Variants in RTCB observed in about 807,000 individuals in gnomAD.
RTCB encodes the protein RNA 2',3'-cyclic phosphate and 5'-OH ligase.
In RTCB, 32 loss-of-function variants were observed where a neutral mutation model predicts 58.2. The observed-to-expected ratio is 0.55, with a 90% CI of 0.41 to 0.74. The LOEUF (loss-of-function observed/expected upper bound fraction) is 0.74. Ranked by LOEUF, RTCB falls within the 30% of genes least tolerant of loss-of-function variation. The pLI is 0.00. For missense variants in RTCB, 523 were observed against 639.0 expected (o/e 0.82, Z 1.96); for synonymous variants, 247 against 218.6 (o/e 1.13, Z -1.15).
At chr22:32,389,310 G>GA (rs924503967) in intron 11 of RTCB, among the ~76,000 whole-genome samples, 1 of 151,906 alleles carries the variant, frequency 6.6e-6, no homozygotes, top group African/African-American at 2.4e-5. Context: ...GTAATACACT[G>GA]AAAAAAATAG....
At chr22:32,407,396 C>T (rs1191053273) in intron 3 of RTCB, 2 of 152,936 alleles carry the variant, frequency 1.3e-5, no homozygotes, top group African/African-American at 4.8e-5. Context: ...GATCCATTTT[C>T]AACATCTACC....
At position 32,401,228 on chromosome 22, in the gene RTCB, T is replaced by A. The variant is rs1601428478; in HGVS notation, c.497+519A>T. On this transcript the variant is annotated intron_variant, in intron 5 of 11. Transcript: ENST00000216038. ...CTTCTGCTTCAGCCTCCTGAGTAGG[T>A]GGGACTACAGTCACAAGCCATCATG... 2.0e-5 allele frequency among the ~76,000 whole-genome samples: 3 copies of A among 151,794 alleles called. No homozygotes were observed. The South Asian group carries it at 6.3e-4, about 32-fold the overall frequency.
chr22:32,399,298 G>C (rs9606947), intron 6 of RTCB, among the ~76,000 whole-genome samples: 18,813 of 151,436 alleles, frequency 0.12, 1,557 homozygotes, highest in Non-Finnish European at 0.19. Context: ...CACCATGCCT[G>C]GCTAATTTTT....
At chr22:32,390,222 A>G (rs1933129288) in intron 11 of RTCB, among the ~76,000 whole-genome samples, 1 of 152,222 alleles carries the variant, frequency 6.6e-6, no homozygotes, top group Non-Finnish European at 1.5e-5. Flanking sequence ...TCCACAACGA[A>G]GGGACTCGTG....
intron 11 of RTCB, 40 bp downstream of exon 11, chr22:32,392,200 G>T (rs1406443552): frequency 1.9e-6 from 3 of 1,577,662 alleles, no homozygotes; most frequent in African/African-American, 2.7e-5. Flanking sequence ...TACAAATGGG[G>T]AACAATAAAT....
At chr22:32,392,145 TGTTAG>T in intron 11 of RTCB, 90 bp downstream of exon 11, 3 of 1,319,302 alleles carry the variant, frequency 2.3e-6, no homozygotes, top group Non-Finnish European at 3.1e-6. Flanking sequence ...AAACAATTTC[TGTTAG>T]TAACACCCTA....
At chr22:32,402,430 C>A (rs908976899) in intron 4 of RTCB, among the ~76,000 whole-genome samples, 2 of 152,134 alleles carry the variant, frequency 1.3e-5, no homozygotes, top group African/African-American at 4.8e-5. Flanking sequence ...ACAGTGACCT[C>A]AAAATTTTAG....
rs780305952 is a variant in RTCB at position 32,393,999 on chromosome 22, T to C, written c.1183A>G (p.Thr395Ala). Residue 395 changes from threonine to alanine, a missense_variant, in exon 10 of 12, where the codon ACT (threonine) becomes GCT (alanine). By Grantham distance (58) the Thr-to-Ala change is moderately conservative. Transcript: ENST00000216038. ...HPLIAVDYQL[T>A]GQPVLIGGTM... ...CCACCAATGAGCACTGGCTGTCCAG[T>C]GAGCTGAGGATGCACATAAATCAAA... 46 of 1,603,132 alleles carry C rather than the reference T, an allele frequency of 2.9e-5. No homozygotes were observed. The highest frequency in any genetic ancestry group is 3.7e-5 in the Non-Finnish European group (43 of 1,170,064).
intron 1 of RTCB, among the ~76,000 whole-genome samples, chr22:32,411,783 C>T (rs1342538562): frequency 1.3e-5 from 2 of 152,166 alleles, no homozygotes; most frequent in Non-Finnish European, 2.9e-5. Flanking sequence ...TGAGACTGAT[C>T]TGTGAAAACG....
At position 32,406,673 on chromosome 22, in the gene RTCB, A is replaced by G. The variant is rs1933428600; in HGVS notation, c.329T>C (p.Val110Ala). The G allele has an allele frequency of 6.2e-7, 1 of 1,609,402 alleles. No homozygotes were observed. The highest frequency in any genetic ancestry group is 1.7e-5 in the Admixed American group (1 of 59,946). ...AAFDMNDPEA[V>A]VSPGGVGFDI... The stretch of plus-strand genomic sequence containing the variant: ...CACAGTGATCTTACCTGGGGATACT[A>G]CTGCTTCAGGGTCATTCATATCAAA... The change falls in exon 4 of 12, where the codon GTA becomes GCA. Residue 110 changes from valine to alanine, a missense_variant. Physicochemically the swap from Val to Ala is moderately conservative, Grantham distance 64 (BLOSUM62 0). Transcript: ENST00000216038.
chr22:32,392,765 A>AG (rs1246106000), intron 10 of RTCB, among the ~76,000 whole-genome samples: 2 of 152,176 alleles, frequency 1.3e-5, no homozygotes, highest in African/African-American at 4.8e-5. Context: ...AGAAACAATC[A>AG]GAAAAAAAAG....
chr22:32,409,377 C>CT (rs1933481402), intron 1 of RTCB, among the ~76,000 whole-genome samples: 1 of 151,890 alleles, frequency 6.6e-6, no homozygotes. Context: ...TAACATGCAG[C>CT]TACGTAGTTG....
intron 11 of RTCB, among the ~76,000 whole-genome samples, chr22:32,390,855 A>G (rs761711873): frequency 1.8e-4 from 27 of 152,114 alleles, no homozygotes; most frequent in Non-Finnish European, 3.2e-4. Context: ...CAGTAATTCC[A>G]CTTTTTTTCC....
At chr22:32,401,661 C>G in intron 5 of RTCB, 86 bp downstream of exon 5, 1 of 1,411,036 alleles carries the variant, frequency 7.1e-7, no homozygotes, top group South Asian at 1.4e-5. Flanking sequence ...ATCCTCATCT[C>G]TCAAGTGTAC....
chr22:32,401,853 A>T lies in RTCB; in HGVS notation c.391T>A (p.Leu131Ile). 1 of 1,614,044 alleles carries T rather than the reference A, an allele frequency of 6.2e-7. No individual in the cohort carries two copies. Among genetic ancestry groups the T allele is most frequent in the South Asian group, 1.1e-5 (1 of 91,074 alleles). ...ACAGGCTGGACATCACTTTCATCTA[A>T]ATTGGTTCTTAGCAAGCGGACACCA... is the stretch of plus-strand genomic sequence containing the variant. ...NCGVRLLRTN[L>I]DESDVQPVKE... Residue 131 changes from leucine to isoleucine, a missense_variant, in exon 5 of 12, where the codon TTA becomes ATA. Around this residue, in one of 3 missense-constraint regions of RTCB, gnomAD observed 141 missense variants for 216.7 expected, o/e 0.65. Transcript: ENST00000216038.
At chr22:32,398,771 A>C (rs558566521) in intron 6 of RTCB, among the ~76,000 whole-genome samples, 56 of 152,350 alleles carry the variant, frequency 3.7e-4, no homozygotes, top group Admixed American at 1.0e-3. Context: ...TGAAACATCT[A>C]TGAGTTCATG....
intron 5 of RTCB, 60 bp downstream of exon 5, chr22:32,401,687 G>A (rs1933338302): frequency 2.6e-6 from 4 of 1,559,048 alleles, no homozygotes; most frequent in Non-Finnish European, 3.5e-6. Context: ...TGGAAAGGAA[G>A]CTGAAGGTCA....
chr22:32,393,381 AAG>A (rs1306529007), intron 10 of RTCB, among the ~76,000 whole-genome samples: 3 of 152,138 alleles, frequency 2.0e-5, no homozygotes, highest in Non-Finnish European at 2.9e-5. Flanking sequence ...CCTTTATGGG[AAG>A]AGTTTCCTGA....
At chr22:32,404,739 C>A (rs553720185) in intron 4 of RTCB, among the ~76,000 whole-genome samples, 2 of 152,022 alleles carry the variant, frequency 1.3e-5, no homozygotes, top group Non-Finnish European at 2.9e-5. Flanking sequence ...ACTGCAGTGG[C>A]GCAATCTCAG....
Sources: allele counts gnomAD v4.1 joint callset (sites outside exome capture counted in the v4.1 genomes callset), GRCh38; gene constraint gnomAD v4.1.1; regional missense constraint gnomAD v4.1.1; transcripts MANE v1.5; gene names NCBI Gene and HGNC (gene_info 2026-07-23, HGNC 2026-07-21).